ASTN1: variants seen among roughly 807,000 people sequenced by gnomAD.
The protein encoded by ASTN1 is astrotactin 1.
Under a neutral mutation model 140.7 loss-of-function variants are expected in ASTN1, and 41 were observed. The ratio of observed to expected loss-of-function variants is 0.29; its 90% CI spans 0.23 to 0.38. The LOEUF (loss-of-function observed/expected upper bound fraction) is 0.38, where lower values mean the gene tolerates loss of function less well. Among genes scored for constraint, ASTN1 ranks in the 10% least tolerant of loss-of-function variants. ASTN1 has a pLI of 1.00. For synonymous variants in ASTN1, 640 were observed against 652.2 expected (o/e 0.98, Z 0.29); for missense variants, 1,479 against 1,678.8 (o/e 0.88, Z 2.08).
At chr1:177,137,422 G>A (rs983723363) in intron 1 of ASTN1, among the ~76,000 whole-genome samples, 1 of 152,132 alleles carries the variant, frequency 6.6e-6, no homozygotes, top group Admixed American at 6.5e-5. Flanking sequence ...AGAGTTCAAG[G>A]ATATCAGACA....
intron 16 of ASTN1, among the ~76,000 whole-genome samples, chr1:176,915,217 C>T (rs111497930): frequency 6.6e-6 from 1 of 152,122 alleles, no homozygotes; most frequent in Admixed American, 6.5e-5. Flanking sequence ...TTGGGAAATA[C>T]CCTAATAGTT....
At chr1:177,126,189 T>C (rs528437021) in intron 1 of ASTN1, among the ~76,000 whole-genome samples, 15 of 152,288 alleles carry the variant, frequency 9.8e-5, no homozygotes, top group South Asian at 2.1e-4. Context: ...CTATCAGATA[T>C]ATCTTAGGAC....
rs950565411 is a variant in ASTN1, at chr1:176,864,500, G to C, written c.3669C>G (p.Ser1223=). The C allele has an allele frequency of 8.1e-6, 13 of 1,613,894 alleles. No homozygotes were observed. The highest frequency in any genetic ancestry group is 1.1e-5 in the Non-Finnish European group (13 of 1,179,940). The change falls in exon 23 of 23, where the codon TCC becomes TCG. Residue 1223 remains serine, a synonymous_variant. Transcript: ENST00000361833. ...LGPRKAGLIL[S]QLGDLSSWCN... ...ACCAACTGCTGAGGTCCCCAAGCTG[G>C]GAAAGGATGAGACCAGCTTTCCTAT...
At chr1:177,067,873 T>C (rs890166158) in intron 1 of ASTN1, among the ~76,000 whole-genome samples, 1 of 151,912 alleles carries the variant, frequency 6.6e-6, no homozygotes, top group African/African-American at 2.4e-5. Flanking sequence ...AGTGAGGAAA[T>C]GAGACTAACC....
At chr1:177,133,395 T>TTTTA (rs1558119123) in intron 1 of ASTN1, among the ~76,000 whole-genome samples, 1 of 152,212 alleles carries the variant, frequency 6.6e-6, no homozygotes, top group Non-Finnish European at 1.5e-5. Flanking sequence ...ATATTAGGTT[T>TTTTA]TTTAAATAGA....
At chr1:176,896,760 G>A (rs912795340) in intron 16 of ASTN1, among the ~76,000 whole-genome samples, 1 of 152,066 alleles carries the variant, frequency 6.6e-6, no homozygotes, top group Non-Finnish European at 1.5e-5. Context: ...ATCACCTTCT[G>A]GAACCACTTT....
chr1:177,023,688 T>G (rs1675948723), intron 6 of ASTN1, 117 bp from the exon 7 acceptor site: 1 of 1,147,078 alleles, frequency 8.7e-7, no homozygotes, highest in Admixed American at 3.6e-5. Context: ...ATCCTAACTC[T>G]CACCATTCCT....
At chr1:177,076,853 T>C (rs1253499729) in intron 1 of ASTN1, among the ~76,000 whole-genome samples, 1 of 152,126 alleles carries the variant, frequency 6.6e-6, no homozygotes, top group African/African-American at 2.4e-5. Flanking sequence ...TTATAGATGA[T>C]AAAGCTAAGA....
intron 7 of ASTN1, among the ~76,000 whole-genome samples, chr1:177,016,654 C>T (rs766899831): frequency 7.9e-5 from 12 of 152,088 alleles, no homozygotes; most frequent in African/African-American, 1.7e-4. Context: ...AAAGAAAGCA[C>T]GGATGCTAGA....
chr1:176,956,939 C>T (rs370860456), intron 11 of ASTN1, among the ~76,000 whole-genome samples: 30 of 152,164 alleles, frequency 2.0e-4, no homozygotes, highest in African/African-American at 7.0e-4. Context: ...ACTCTGTTGC[C>T]CAGGTTGAAG....
At chr1:177,055,574 G>T (rs1378235977) in intron 2 of ASTN1, among the ~76,000 whole-genome samples, 1 of 152,260 alleles carries the variant, frequency 6.6e-6, no homozygotes, top group Non-Finnish European at 1.5e-5. Context: ...CATGTGGGCA[G>T]TATGACCAGT....
intron 1 of ASTN1, among the ~76,000 whole-genome samples, chr1:177,145,750 G>A (rs1355693853): frequency 1.3e-5 from 2 of 152,120 alleles, no homozygotes; most frequent in African/African-American, 2.4e-5. Flanking sequence ...AAGTTCACAG[G>A]CAGACAAACT....
At chr1:176,985,002 C>T (rs971937648) in intron 8 of ASTN1, among the ~76,000 whole-genome samples, 3 of 152,178 alleles carry the variant, frequency 2.0e-5, no homozygotes. Flanking sequence ...TCCCTCCCCA[C>T]AGGACTCAAG....
downstream of ASTN1, among the ~76,000 whole-genome samples, chr1:176,859,068 T>A (rs1239800283): frequency 1.3e-5 from 2 of 152,218 alleles, no homozygotes; most frequent in Non-Finnish European, 2.9e-5. Flanking sequence ...ATAATAAGTA[T>A]GGGGTATGCA....
chr1:176,984,222 G>A (rs1003637758), intron 8 of ASTN1, among the ~76,000 whole-genome samples: 2 of 152,216 alleles, frequency 1.3e-5, no homozygotes, highest in Non-Finnish European at 2.9e-5. Context: ...GCAACAAAAC[G>A]CTGAGGTTCA....
intron 14 of ASTN1, among the ~76,000 whole-genome samples, chr1:176,937,824 G>C (rs1671514238): frequency 6.6e-6 from 1 of 152,080 alleles, no homozygotes; most frequent in African/African-American, 2.4e-5. Flanking sequence ...CATATGTAGT[G>C]AATTATCCTG....
chr1:177,116,351 T>A (rs1236799061), intron 1 of ASTN1, among the ~76,000 whole-genome samples: 1 of 152,198 alleles, frequency 6.6e-6, no homozygotes, highest in African/African-American at 2.4e-5. Context: ...TATTATTTTA[T>A]GTGTAGATGA....
chr1:176,946,449 G>A (rs562183749), intron 12 of ASTN1, among the ~76,000 whole-genome samples: 1 of 152,102 alleles, frequency 6.6e-6, no homozygotes, highest in Non-Finnish European at 1.5e-5. Flanking sequence ...TTGCAAATGA[G>A]TTAGCACATT....
chr1:176,944,078 C>G (rs536685042), intron 13 of ASTN1, 60 bp from the exon 14 acceptor site: 29 of 1,516,622 alleles, frequency 1.9e-5, no homozygotes, highest in Non-Finnish European at 2.4e-5. Context: ...CCTTACTGAG[C>G]ATTTTTTTTT....
Sources: allele counts gnomAD v4.1 joint callset (sites outside exome capture counted in the v4.1 genomes callset), GRCh38; gene constraint gnomAD v4.1.1; transcripts MANE v1.5; gene names NCBI Gene and HGNC (gene_info 2026-07-23, HGNC 2026-07-21).